Variants in LRP1B observed in about 807,000 individuals in gnomAD.
LRP1B encodes LDL receptor related protein 1B, also known as low-density lipoprotein receptor-related protein 1B.
Under a neutral mutation model 556.6 loss-of-function variants are expected in LRP1B, and 217 were observed. The observed-to-expected ratio is 0.39, with a 90% CI of 0.35 to 0.44. The LOEUF (loss-of-function observed/expected upper bound fraction) is 0.44. Ranked by LOEUF, LRP1B falls within the 20% of genes least tolerant of loss-of-function variation. The pLI, the probability that LRP1B is intolerant of heterozygous loss-of-function variation, is 1.00. For missense variants in LRP1B, 5,053 were observed against 5,620.8 expected, an observed-to-expected ratio of 0.90 and a Z score of 3.23; for synonymous variants, 2,047 against 1,865.8, an observed-to-expected ratio of 1.10 and a Z score of -2.50.
At chr2:140,585,405 C>T (rs1162148037) in intron 43 of LRP1B, among the ~76,000 whole-genome samples, 1 of 152,100 alleles carries the variant, frequency 6.6e-6, no homozygotes, top group East Asian at 1.9e-4. Context: ...TCTCCCACAT[C>T]ATACTGCTTC....
intron 3 of LRP1B, among the ~76,000 whole-genome samples, chr2:141,387,217 T>A (rs1180634370): frequency 6.6e-6 from 1 of 151,812 alleles, no homozygotes; most frequent in Non-Finnish European, 1.5e-5. Context: ...ACAACTATAT[T>A]TAAAAATAGA....
intron 60 of LRP1B, among the ~76,000 whole-genome samples, chr2:140,464,340 T>C (rs1299395575): frequency 6.6e-6 from 1 of 152,134 alleles, no homozygotes; most frequent in Non-Finnish European, 1.5e-5. Context: ...ACATTCTCAT[T>C]TCAAATAATA....
rs1408793616 is a variant in LRP1B, at chr2:140,335,615, C to T, written c.12116G>A (p.Gly4039Glu). 1 of 1,566,230 alleles carries T rather than the reference C, an allele frequency of 6.4e-7. No individual in the cohort carries two copies. The highest frequency in any genetic ancestry group is 8.8e-7 in the Non-Finnish European group (1 of 1,137,208). The change falls in exon 78 of 91, where the codon GGG becomes GAG. Residue 4039 changes from glycine (G) to glutamate (E), a missense_variant and splice_region_variant. Coordinates refer to ENST00000389484, the MANE Select transcript of LRP1B (RefSeq NM_018557.3). ...TAGAAATACTAAGCCATTAACCTAC[C>T]CTCTTTTAGGATTTACTGCAATAGC... ...PYAIAVNPKR[G>E]MMYWTVVGDH... is the part of the protein sequence containing the mutation.
intron 22 of LRP1B, among the ~76,000 whole-genome samples, chr2:140,903,663 TTGGAGTTAAAATGCAGAA>T (rs1475394535): frequency 2.3e-4 from 35 of 152,046 alleles, no homozygotes; most frequent in African/African-American, 7.5e-4. Flanking sequence ...ACAGTCCATT[TTGGAGTTAAAATGCAGAA>T]TGGATTACTT....
intron 1 of LRP1B, among the ~76,000 whole-genome samples, chr2:141,905,012 A>G (rs887485502): frequency 7.2e-5 from 11 of 151,938 alleles, no homozygotes; most frequent in African/African-American, 2.7e-4. Flanking sequence ...GACCAAGAAC[A>G]TTCATATAGT....
intron 66 of LRP1B, among the ~76,000 whole-genome samples, chr2:140,390,398 G>C (rs1477703934): frequency 6.6e-6 from 1 of 151,766 alleles, no homozygotes; most frequent in Non-Finnish European, 1.5e-5. Context: ...TAAAACAAGT[G>C]GTTACCTCTA....
At chr2:141,241,079 A>G (rs1683853012) in intron 5 of LRP1B, among the ~76,000 whole-genome samples, 1 of 152,098 alleles carries the variant, frequency 6.6e-6, no homozygotes, top group Admixed American at 6.6e-5. Context: ...TTTGTACCCC[A>G]GCACTGACAT....
chr2:141,692,282 G>A (rs760618617), intron 2 of LRP1B, among the ~76,000 whole-genome samples: 21 of 151,968 alleles, frequency 1.4e-4, no homozygotes, highest in Non-Finnish European at 2.6e-4. Context: ...ACTGCATGAT[G>A]TTCTATGATC....
At chr2:140,839,264 T>A (rs1004480754) in intron 31 of LRP1B, among the ~76,000 whole-genome samples, 6 of 152,206 alleles carry the variant, frequency 3.9e-5, no homozygotes, top group African/African-American at 1.4e-4. Context: ...AAATTAATCT[T>A]CCTATTCAGA....
intron 1 of LRP1B, among the ~76,000 whole-genome samples, chr2:141,965,780 A>AATAC (rs201335433): frequency 0.033 from 4,910 of 146,808 alleles, 285 homozygotes; most frequent in African/African-American, 0.12. Flanking sequence ...ATAATAAATA[A>AATAC]ATAAATAAAT....
intron 60 of LRP1B, among the ~76,000 whole-genome samples, chr2:140,468,428 A>G (rs1276328116): frequency 6.6e-6 from 1 of 152,204 alleles, no homozygotes; most frequent in African/African-American, 2.4e-5. Context: ...TTATTAGGGC[A>G]ATGCATAATG....
At chr2:142,077,238 G>A (rs1304623817) in intron 1 of LRP1B, among the ~76,000 whole-genome samples, 1 of 152,036 alleles carries the variant, frequency 6.6e-6, no homozygotes, top group Non-Finnish European at 1.5e-5. Context: ...ACCTAGGAGT[G>A]ATTTATGGCA....
intron 3 of LRP1B, among the ~76,000 whole-genome samples, chr2:141,433,452 G>A (rs1334807615): frequency 2.0e-5 from 3 of 152,004 alleles, no homozygotes; most frequent in Admixed American, 2.0e-4. Flanking sequence ...CGGATCTTCT[G>A]CCTAGTTGTT....
At chr2:141,762,016 C>T (rs1051229537) in intron 2 of LRP1B, among the ~76,000 whole-genome samples, 2 of 152,100 alleles carry the variant, frequency 1.3e-5, no homozygotes, top group African/African-American at 4.8e-5. Context: ...AAGATTTTCA[C>T]AGCAATCTTT....
In LRP1B at chr2:140,760,756, G is replaced by A. The variant is rs547156481; in HGVS notation, c.5758+8457C>T. Among the ~76,000 whole-genome samples the A allele has an allele frequency of 7.2e-5, 11 of 152,088 alleles. No homozygotes were observed. The South Asian group carries it at 2.3e-3, about 32-fold the overall frequency. On this transcript the variant is annotated intron_variant, in intron 35 of 90. Coordinates refer to ENST00000389484, the MANE Select transcript of LRP1B (RefSeq NM_018557.3). ...CAAAAAATTAACTGGCGTGGTTGTG[G>A]GCACCTGTAGTCCCAGCTACTTGGG...
chr2:140,502,223 G>T (rs1689231627), intron 54 of LRP1B, among the ~76,000 whole-genome samples: 1 of 151,962 alleles, frequency 6.6e-6, no homozygotes, highest in Non-Finnish European at 1.5e-5. Flanking sequence ...CAAGCCATAG[G>T]TCTCTGAGAA....
At chr2:141,318,451 T>G (rs1212027170) in intron 3 of LRP1B, among the ~76,000 whole-genome samples, 6 of 152,174 alleles carry the variant, frequency 3.9e-5, no homozygotes, top group African/African-American at 1.4e-4. Flanking sequence ...GTATGGAAAT[T>G]TTTTAATAGA....
chr2:140,608,743 C>T (rs1310188609), intron 41 of LRP1B, among the ~76,000 whole-genome samples: 1 of 152,114 alleles, frequency 6.6e-6, no homozygotes, highest in Non-Finnish European at 1.5e-5. Context: ...CCCAAAACAA[C>T]AACAACAACA....
chr2:140,701,137 C>CTTCACCAGTCTAATTCTCT (rs1686626174), intron 40 of LRP1B, among the ~76,000 whole-genome samples: 1 of 152,028 alleles, frequency 6.6e-6, no homozygotes, highest in Non-Finnish European at 1.5e-5. Flanking sequence ...TCTAATTCTC[C>CTTCACCAGTCTAATTCTCT]TTTGTGAATT....
Sources: allele counts gnomAD v4.1 joint callset (sites outside exome capture counted in the v4.1 genomes callset), GRCh38; gene constraint gnomAD v4.1.1; transcripts MANE v1.5; gene names NCBI Gene and HGNC (gene_info 2026-07-23, HGNC 2026-07-21).